The following ROCK1 variants were observed in gnomAD, a reference collection of about 807,000 sequenced individuals.
ROCK1 encodes the protein Rho associated coiled-coil containing protein kinase 1.
In ROCK1, 36 loss-of-function variants were observed where a neutral mutation model predicts 196.8. That is an observed-to-expected ratio of 0.18 (90% CI 0.14 to 0.24). ROCK1 has a LOEUF of 0.24. Ranked by LOEUF, ROCK1 falls within the 10% of genes least tolerant of loss-of-function variation. ROCK1 has a pLI of 1.00. For synonymous variants in ROCK1, 443 were observed against 515.9 expected (o/e 0.86, Z 1.91); for missense variants, 920 against 1,562.0 (o/e 0.59, Z 6.93).
At chr18:21,006,260 A>T in intron 16 of ROCK1, 91 bp downstream of exon 16, 1 of 950,252 alleles carries the variant, frequency 1.1e-6, no homozygotes, top group Non-Finnish European at 1.5e-6. Context: ...AACTGCATTT[A>T]ATCCCACTGA....
intron 18 of ROCK1, among the ~76,000 whole-genome samples, chr18:20,988,515 G>A (rs748141338): frequency 4.6e-4 from 70 of 152,024 alleles, no homozygotes; most frequent in African/African-American, 1.6e-3. Flanking sequence ...ACAGAGCAGC[G>A]GGAATGATCT....
chr18:21,018,330 G>C (rs1169839791), intron 12 of ROCK1, among the ~76,000 whole-genome samples: 1 of 151,966 alleles, frequency 6.6e-6, no homozygotes, highest in Non-Finnish European at 1.5e-5. Context: ...AGGAGCTCGA[G>C]ACCAGCCTGG....
At chr18:21,039,733 A>C (rs2036088832) in intron 8 of ROCK1, among the ~76,000 whole-genome samples, 170 bp from the exon 9 acceptor site, 1 of 152,170 alleles carries the variant, frequency 6.6e-6, no homozygotes, top group South Asian at 2.1e-4. Context: ...TATGTTAAAG[A>C]TTGAGAACAT....
chr18:20,976,907 G>A (rs2035485935), intron 22 of ROCK1, among the ~76,000 whole-genome samples: 1 of 151,998 alleles, frequency 6.6e-6, no homozygotes, highest in Admixed American at 6.6e-5. Context: ...CAACAGCTCT[G>A]GTCAGAAACT....
At position 20,949,723 on chromosome 18, in the gene ROCK1, T is replaced by C. The variant is rs2035164951; in HGVS notation, c.*1661A>G. ...ATGTGAACTATTCCCACTCTTGTTTTAGAGCCCAAGACCACGTTTTATCTT... is the reference window on the plus strand; with the variant it reads ...ATGTGAACTATTCCCACTCTTGTTTCAGAGCCCAAGACCACGTTTTATCTT... On this transcript the variant is annotated 3_prime_UTR_variant, in exon 33 of 33. Coordinates refer to ENST00000399799, the MANE Select transcript of ROCK1 (RefSeq NM_005406.3). The C allele has an allele frequency of 6.6e-6, 1 of 152,560 alleles. No homozygotes were observed. Among genetic ancestry groups the C allele is most frequent in the Admixed American group, 6.5e-5 (1 of 15,292 alleles). 9.5% of individuals were successfully genotyped at this position (152,560 alleles called of 1,614,324 possible).
intron 19 of ROCK1, 41 bp downstream of exon 19, chr18:20,986,907 TTC>T (rs777300771): frequency 6.6e-7 from 1 of 1,507,746 alleles, no homozygotes; most frequent in Non-Finnish European, 9.0e-7. Context: ...ATATAACCGT[TTC>T]TCTTTTAATA....
At chr18:20,974,819 A>C (rs1264415126) in intron 22 of ROCK1, among the ~76,000 whole-genome samples, 1 of 152,158 alleles carries the variant, frequency 6.6e-6, no homozygotes, top group Non-Finnish European at 1.5e-5. Context: ...ATTTGAATGA[A>C]TAGATGTGGG....
At chr18:21,088,240 T>C (rs2036542784) in intron 1 of ROCK1, among the ~76,000 whole-genome samples, 1 of 152,220 alleles carries the variant, frequency 6.6e-6, no homozygotes, top group Non-Finnish European at 1.5e-5. Context: ...AGGCCAATAA[T>C]CCTAATACTT....
At position 20,984,354 on chromosome 18, in the gene ROCK1, G is replaced by A. The variant is rs1394566001; in HGVS notation, c.2486C>T (p.Thr829Met). The A allele has an allele frequency of 2.5e-6, 4 of 1,595,364 alleles. No individual in the cohort carries two copies. Among genetic ancestry groups the A allele is most frequent in the Non-Finnish European group, 3.4e-6 (4 of 1,171,198 alleles). Reference protein sequence around the residue: ...RLLEFELAQLTKQYRGNEGQM... With the variant: ...RLLEFELAQLMKQYRGNEGQM... ...CAATGTTATTTTAAAGACTTACTTC[G>A]TAAGCTGAGCTAACTCAAATTCTAA... is the stretch of plus-strand genomic sequence containing the variant. Residue 829 changes from threonine (T) to methionine (M), a missense_variant, in exon 20 of 33, where the codon ACG becomes ATG. Thr to Met is a moderately conservative substitution (Grantham distance 81). Coordinates refer to ENST00000399799, the MANE Select transcript of ROCK1 (RefSeq NM_005406.3).
chr18:21,076,033 T>C (rs2036428011), intron 1 of ROCK1, among the ~76,000 whole-genome samples: 1 of 147,914 alleles, frequency 6.8e-6, no homozygotes, highest in East Asian at 2.0e-4. Flanking sequence ...AAAGACAGAA[T>C]AGTACCAAGG....
intron 20 of ROCK1, among the ~76,000 whole-genome samples, chr18:20,983,145 T>C (rs1598517136): frequency 1.3e-5 from 2 of 151,214 alleles, no homozygotes; most frequent in Non-Finnish European, 2.9e-5. Context: ...TTTTGGTAAA[T>C]TTTTACAGAG....
intron 2 of ROCK1, among the ~76,000 whole-genome samples, chr18:21,058,053 T>C (rs1301280833): frequency 5.3e-5 from 8 of 152,180 alleles, no homozygotes; most frequent in African/African-American, 7.2e-5. Context: ...CAGCATATAA[T>C]GTTGTGCAAA....
At chr18:20,966,612 T>C (rs1397346112) in intron 27 of ROCK1, among the ~76,000 whole-genome samples, 1 of 152,218 alleles carries the variant, frequency 6.6e-6, no homozygotes, top group Non-Finnish European at 1.5e-5. Flanking sequence ...GTGAGATGTG[T>C]AGTAGCAGCT....
intron 20 of ROCK1, among the ~76,000 whole-genome samples, chr18:20,983,133 A>T (rs1364689820): frequency 2.0e-5 from 3 of 151,636 alleles, no homozygotes; most frequent in African/African-American, 4.9e-5. Flanking sequence ...TTGATACCAT[A>T]TTTTTGGTAA....
At chr18:20,966,156 T>A (rs2035372435) in intron 27 of ROCK1, among the ~76,000 whole-genome samples, 1 of 152,216 alleles carries the variant, frequency 6.6e-6, no homozygotes, top group African/African-American at 2.4e-5. Flanking sequence ...TCTGTGTATA[T>A]GTAAATGCAT....
intron 19 of ROCK1, 78 bp downstream of exon 19, chr18:20,986,872 T>C (rs2035582462): frequency 7.9e-7 from 1 of 1,272,830 alleles, no homozygotes. Context: ...GGTGTTTAAA[T>C]TATAGATAAC....
intron 1 of ROCK1, among the ~76,000 whole-genome samples, chr18:21,076,208 A>G (rs979560718): frequency 6.6e-6 from 1 of 152,168 alleles, no homozygotes; most frequent in African/African-American, 2.4e-5. Context: ...AGAACTATAC[A>G]TTTAGAATCA....
chr18:21,069,842 C>T (rs980102927), intron 2 of ROCK1, among the ~76,000 whole-genome samples: 16 of 151,300 alleles, frequency 1.1e-4, no homozygotes, highest in African/African-American at 2.4e-4. Flanking sequence ...TATTCAAAAA[C>T]GAAAATAAAA....
chr18:21,000,672 C>A (rs1435873276), intron 16 of ROCK1, among the ~76,000 whole-genome samples: 1 of 152,120 alleles, frequency 6.6e-6, no homozygotes, highest in Non-Finnish European at 1.5e-5. Context: ...TATCATTAGT[C>A]ATTAGGGACA....
Sources: gnomAD v4.1 joint callset for allele counts (sites outside exome capture counted in the v4.1 genomes callset) on GRCh38, gnomAD v4.1.1 for gene constraint, MANE v1.5 for transcripts, NCBI Gene and HGNC (gene_info 2026-07-23, HGNC 2026-07-21) for gene names.